Variants in RIMBP2 observed in about 807,000 individuals in gnomAD.
RIMBP2 encodes the protein RIMS binding protein 2, also known as RIMS-binding protein 2.
RIMBP2 carries 48 observed loss-of-function variants against 118.6 expected under a neutral mutation model. That is an observed-to-expected ratio of 0.40 (90% CI 0.32 to 0.51). The LOEUF (loss-of-function observed/expected upper bound fraction) is 0.51. Among genes scored for constraint, RIMBP2 ranks in the 20% least tolerant of loss-of-function variants. RIMBP2 has a pLI of 0.41. For synonymous variants in RIMBP2, 762 were observed against 742.9 expected (o/e 1.03, Z -0.42); for missense variants, 1,551 against 1,768.3 (o/e 0.88, Z 2.20).
intron 4 of RIMBP2, among the ~76,000 whole-genome samples, chr12:130,480,250 G>A (rs1279195769): frequency 2.7e-5 from 4 of 147,212 alleles, no homozygotes; most frequent in South Asian, 2.1e-4. Context: ...TGGTAACTTC[G>A]TGGTCAACAT....
At chr12:130,472,303 C>T (rs950240333) in intron 5 of RIMBP2, 1 of 152,208 alleles carries the variant, frequency 6.6e-6, no homozygotes, top group Non-Finnish European at 1.5e-5. Context: ...TGGGACACTT[C>T]CTAAAGTGCG....
chr12:130,493,112 G>T (rs1336400003), intron 4 of RIMBP2, among the ~76,000 whole-genome samples: 1 of 151,994 alleles, frequency 6.6e-6, no homozygotes, highest in Non-Finnish European at 1.5e-5. Context: ...CTCCAGCCTG[G>T]GTGAGAGAGT....
chr12:130,632,614 T>C (rs1214370939), intron 1 of RIMBP2, among the ~76,000 whole-genome samples: 1 of 152,168 alleles, frequency 6.6e-6, no homozygotes, highest in Admixed American at 6.5e-5. Flanking sequence ...ACTCCATCGT[T>C]AAAGAGGCTA....
intron 1 of RIMBP2, among the ~76,000 whole-genome samples, chr12:130,685,839 G>T (rs886234748): frequency 6.6e-5 from 10 of 152,180 alleles, no homozygotes; most frequent in Non-Finnish European, 1.3e-4. Flanking sequence ...CCTTCTCAGA[G>T]ATGAGCTGAA....
chr12:130,610,138 G>A (rs2060430347), intron 2 of RIMBP2, among the ~76,000 whole-genome samples: 1 of 150,438 alleles, frequency 6.6e-6, no homozygotes, highest in Admixed American at 6.6e-5. Context: ...CTCCCGTTCT[G>A]GGGGAAAATG....
intron 2 of RIMBP2, among the ~76,000 whole-genome samples, chr12:130,524,376 T>A (rs2052528645): frequency 6.6e-6 from 1 of 151,968 alleles, no homozygotes; most frequent in Non-Finnish European, 1.5e-5. Flanking sequence ...CCCGGTGGCC[T>A]CAAGCAGAGC....
At position 130,651,760 on chromosome 12, in the gene RIMBP2, G is replaced by A. The variant is rs561237928; in HGVS notation, c.-351-23304C>T. Among the ~76,000 whole-genome samples the A allele has an allele frequency of 1.2e-4, 18 of 152,314 alleles. No individual in the cohort carries two copies. The South Asian group carries it at 3.5e-3, about 30-fold the overall frequency. ...ATGAATTTAACACATTTCACATTAT[G>A]AATTTGTGCTTGGAATTTAATTATC... On this transcript the variant is annotated intron_variant, in intron 1 of 22. Coordinates refer to ENST00000690449, the MANE Select transcript of RIMBP2 (RefSeq NM_001393629.1).
chr12:130,562,083 T>G (rs906549101), intron 2 of RIMBP2, among the ~76,000 whole-genome samples: 1 of 152,186 alleles, frequency 6.6e-6, no homozygotes, highest in African/African-American at 2.4e-5. Flanking sequence ...AGGGGAGATA[T>G]ATCATCAATT....
At chr12:130,660,335 T>C (rs1302734817) in intron 1 of RIMBP2, 1 of 33,712 alleles carries the variant, frequency 3.0e-5, no homozygotes, top group South Asian at 1.0e-3. Context: ...GAACCTCCTC[T>C]CTTCATTCTC....
chr12:130,675,754 G>A (rs1356311113), intron 1 of RIMBP2, among the ~76,000 whole-genome samples: 1 of 152,154 alleles, frequency 6.6e-6, no homozygotes, highest in African/African-American at 2.4e-5. Flanking sequence ...TACAGCCAGT[G>A]TATTAAACAG....
At chr12:130,521,698 G>A (rs201496135) in intron 2 of RIMBP2, among the ~76,000 whole-genome samples, 1 of 152,190 alleles carries the variant, frequency 6.6e-6, no homozygotes, top group Non-Finnish European at 1.5e-5. Flanking sequence ...CTGGGACCCT[G>A]ACGGGGAGAA....
At chr12:130,661,196 G>A (rs1317612327) in intron 1 of RIMBP2, among the ~76,000 whole-genome samples, 1 of 152,192 alleles carries the variant, frequency 6.6e-6, no homozygotes, top group East Asian at 1.9e-4. Flanking sequence ...TTTCCTTGTG[G>A]ACTAATCTAT....
intron 1 of RIMBP2, among the ~76,000 whole-genome samples, chr12:130,628,684 TG>T (rs2140929185): frequency 6.6e-6 from 1 of 152,282 alleles, no homozygotes; most frequent in South Asian, 2.1e-4. Flanking sequence ...TTTCCTGGTA[TG>T]GAACAGTGCA....
chr12:130,696,794 C>T (rs2065594451), intron 1 of RIMBP2, among the ~76,000 whole-genome samples: 1 of 152,214 alleles, frequency 6.6e-6, no homozygotes, highest in African/African-American at 2.4e-5. Context: ...GTTTGAGAAG[C>T]CGCTTAAACC....
chr12:130,611,469 TGCCCCCGATCCTCC>T (rs2060545195), intron 2 of RIMBP2, among the ~76,000 whole-genome samples: 1 of 152,218 alleles, frequency 6.6e-6, no homozygotes, highest in Non-Finnish European at 1.5e-5. Flanking sequence ...CCCGCATCTC[TGCCCCCGATCCTCC>T]GCTGGAAGAC....
chr12:130,638,734 T>G (rs1432912272), intron 1 of RIMBP2, among the ~76,000 whole-genome samples: 1 of 151,820 alleles, frequency 6.6e-6, no homozygotes, highest in East Asian at 1.9e-4. Flanking sequence ...CTATAGTACA[T>G]TGCGGAAAAG....
In RIMBP2 at chr12:130,688,455, T is replaced by C. The variant is rs1049642033; in HGVS notation, c.-352+27767A>G. The stretch of plus-strand genomic sequence containing the variant: ...AGATCTAATGAAAGAGAAAGAGAAG[T>C]AATTGACATTGAGTGAACATACACA... On this transcript the variant is annotated intron_variant, in intron 1 of 22. Coordinates refer to ENST00000690449, the MANE Select transcript of RIMBP2 (RefSeq NM_001393629.1). This position sits in a 1 kb window ranked among gnomAD's most constrained non-coding sequence, Gnocchi z 4.7. 6.6e-6 allele frequency among the ~76,000 whole-genome samples: 1 copy of C among 152,188 alleles called. No homozygotes were observed. Among genetic ancestry groups the C allele is most frequent in the Admixed American group, 6.5e-5 (1 of 15,282 alleles).
rs1394395127 is a variant in RIMBP2, at chr12:130,422,011, C to G, written c.3238+442G>C. Among the ~76,000 whole-genome samples, 1 of 152,184 alleles carries G rather than the reference C, an allele frequency of 6.6e-6. No homozygotes were observed. The highest frequency in any genetic ancestry group is 1.5e-5 in the Non-Finnish European group (1 of 68,020). On this transcript the variant is annotated intron_variant, in intron 17 of 22. Coordinates refer to ENST00000690449, the MANE Select transcript of RIMBP2 (RefSeq NM_001393629.1). This position sits in a 1 kb window ranked among gnomAD's most constrained non-coding sequence, Gnocchi z 5.2. Reference sequence around the variant, plus strand: ...GGGGCACACTCAGCTGCACGGTGTCCCCCAGGATTTAGCTCTGCTGCCAGC... The same window carrying G: ...GGGGCACACTCAGCTGCACGGTGTCGCCCAGGATTTAGCTCTGCTGCCAGC...
intron 2 of RIMBP2, among the ~76,000 whole-genome samples, chr12:130,605,936 T>A (rs4759735): frequency 6.6e-6 from 1 of 151,838 alleles, no homozygotes; most frequent in Non-Finnish European, 1.5e-5. Flanking sequence ...GGCATGGTGG[T>A]GGGAGCCTGT....
Sources: gnomAD v4.1 joint callset for allele counts (sites outside exome capture counted in the v4.1 genomes callset) on GRCh38, gnomAD v4.1.1 for gene constraint, Gnocchi (gnomAD v3.1) non-coding constraint, MANE v1.5 for transcripts, NCBI Gene and HGNC (gene_info 2026-07-23, HGNC 2026-07-21) for gene names.